TSHZ2: variants seen among roughly 807,000 people sequenced by gnomAD.
TSHZ2 encodes the protein teashirt homolog 2.
A neutral mutation model predicts 74.4 loss-of-function variants in TSHZ2; 21 were observed. That is an observed-to-expected ratio of 0.28 (90% confidence interval 0.20 to 0.41). The LOEUF is 0.41. Ranked by LOEUF, TSHZ2 falls within the 10% of genes least tolerant of loss-of-function variation. The probability of loss-of-function intolerance (pLI) is 1.00; values close to 1 mark genes in which losing one functional copy is unlikely to be tolerated. For synonymous variants in TSHZ2, 540 were observed against 515.3 expected (o/e 1.05, Z -0.65); for missense variants, 1,244 against 1,293.5 (o/e 0.96, Z 0.59).
At chr20:53,438,961 TA>T (rs1239254317) in intron 2 of TSHZ2, among the ~76,000 whole-genome samples, 3 of 150,246 alleles carry the variant, frequency 2.0e-5, no homozygotes, top group Non-Finnish European at 4.4e-5. Flanking sequence ...ACTCCATCTC[TA>T]AAAAAAAAGA....
chr20:52,981,723 CAA>C (rs893631029), intron 1 of TSHZ2, among the ~76,000 whole-genome samples: 5 of 152,076 alleles, frequency 3.3e-5, no homozygotes, highest in Admixed American at 6.6e-5. Flanking sequence ...AGCACCCGCT[CAA>C]AAAAGAGTTT....
intron 2 of TSHZ2, chr20:53,453,230 T>C (rs1391519863): frequency 1.3e-5 from 2 of 152,246 alleles, no homozygotes; most frequent in Non-Finnish European, 2.9e-5. Flanking sequence ...TTCTAGACTT[T>C]GAATGCCTCT....
chr20:53,240,035 A>C (rs1388240974), intron 1 of TSHZ2, among the ~76,000 whole-genome samples: 1 of 152,188 alleles, frequency 6.6e-6, no homozygotes, highest in Non-Finnish European at 1.5e-5. Flanking sequence ...CTTCAGGTAG[A>C]GTTTGATCAA....
intron 2 of TSHZ2, among the ~76,000 whole-genome samples, chr20:53,276,211 A>T (rs1990943288): frequency 1.3e-5 from 2 of 151,490 alleles, no homozygotes; most frequent in Admixed American, 6.6e-5. Flanking sequence ...CCAGGGTCTA[A>T]AGCTAGGATT....
intron 1 of TSHZ2, among the ~76,000 whole-genome samples, chr20:53,176,765 C>T (rs926660404): frequency 1.8e-4 from 27 of 151,260 alleles, no homozygotes; most frequent in African/African-American, 5.4e-4. Context: ...CGGCTCACTG[C>T]AACCTCCGCC....
At chr20:53,026,997 TA>T in intron 1 of TSHZ2, among the ~76,000 whole-genome samples, 1 of 152,160 alleles carries the variant, frequency 6.6e-6, no homozygotes, top group Admixed American at 6.5e-5. Flanking sequence ...TAAACATAAA[TA>T]CATAAATAAA....
intron 1 of TSHZ2, among the ~76,000 whole-genome samples, chr20:53,189,086 C>A (rs779589991): frequency 6.6e-6 from 1 of 152,128 alleles, no homozygotes; most frequent in Non-Finnish European, 1.5e-5. Flanking sequence ...ATTTATTGTA[C>A]ATGTTTGAAA....
chr20:53,136,530 T>C (rs535952254), intron 1 of TSHZ2, among the ~76,000 whole-genome samples: 5 of 152,148 alleles, frequency 3.3e-5, no homozygotes, highest in Non-Finnish European at 7.4e-5. Context: ...TTACCTCTCT[T>C]AAAGCCCACT....
intron 1 of TSHZ2, among the ~76,000 whole-genome samples, chr20:53,007,884 T>C (rs1982704418): frequency 6.6e-6 from 1 of 152,056 alleles, no homozygotes; most frequent in Non-Finnish European, 1.5e-5. Context: ...AAAATAATAA[T>C]ACAACACAGC....
rs552607158 is a variant in TSHZ2 at position 53,434,211 on chromosome 20, C to T, written c.*9-52933C>T. Among the ~76,000 whole-genome samples the T allele has an allele frequency of 2.2e-4, 34 of 152,330 alleles. No individual in the cohort carries two copies. In the South Asian group the frequency reaches 3.1e-3, roughly 14 times the overall value. ...GTAATCATAATCATCATTACTGCTACTACCACCACCACAAGAATAACCTGT... is the reference window on the plus strand; with the variant it reads ...GTAATCATAATCATCATTACTGCTATTACCACCACCACAAGAATAACCTGT... On this transcript the variant is annotated intron_variant, in intron 2 of 2. Coordinates refer to ENST00000371497, the MANE Select transcript of TSHZ2 (RefSeq NM_173485.6).
chr20:53,474,061 G>C (rs1366074950), intron 2 of TSHZ2, among the ~76,000 whole-genome samples: 1 of 150,520 alleles, frequency 6.6e-6, no homozygotes, highest in Admixed American at 6.6e-5. Context: ...GGAGAGAATG[G>C]AACCAAGTTG....
chr20:53,199,626 A>G (rs1334687708), intron 1 of TSHZ2, among the ~76,000 whole-genome samples: 1 of 152,198 alleles, frequency 6.6e-6, no homozygotes, highest in Non-Finnish European at 1.5e-5. Context: ...CTTATCTCTG[A>G]CATCTAGGGG....
At chr20:53,199,328 G>T (rs115952506) in intron 1 of TSHZ2, among the ~76,000 whole-genome samples, 371 of 152,168 alleles carry the variant, frequency 2.4e-3, no homozygotes, top group African/African-American at 8.6e-3. Flanking sequence ...CAGAAAATCA[G>T]CCAGGCGTGG....
intron 2 of TSHZ2, among the ~76,000 whole-genome samples, chr20:53,452,615 A>AT (rs1491295461): frequency 7.0e-6 from 1 of 142,448 alleles, no homozygotes; most frequent in Non-Finnish European, 1.5e-5. Flanking sequence ...AAAAAAAAAA[A>AT]GGAACTAGAA....
intron 1 of TSHZ2, among the ~76,000 whole-genome samples, chr20:53,067,058 A>G (rs1385088865): frequency 6.6e-6 from 1 of 152,232 alleles, no homozygotes; most frequent in Non-Finnish European, 1.5e-5. Context: ...GAGCGTGCAT[A>G]GTAGAGCGTG....
intron 1 of TSHZ2, among the ~76,000 whole-genome samples, chr20:53,241,868 G>A (rs1568830192): frequency 6.6e-6 from 1 of 152,148 alleles, no homozygotes; most frequent in Admixed American, 6.5e-5. Context: ...AACCCAGGTG[G>A]GCTTGCTGTA....
At chr20:53,414,629 GC>G (rs1983171986) in intron 2 of TSHZ2, among the ~76,000 whole-genome samples, 1 of 152,080 alleles carries the variant, frequency 6.6e-6, no homozygotes, top group Admixed American at 6.6e-5. Flanking sequence ...CTGCACTTCA[GC>G]CTGGGCAATA....
Position 53,254,901 on chromosome 20 carries a change from C to T in TSHZ2, c.1443C>T (p.Ser481=), listed in dbSNP as rs772519772. 7.8e-5 allele frequency: 126 copies of T among 1,613,906 alleles called. No individual in the cohort carries two copies. Among genetic ancestry groups the T allele is most frequent in the Non-Finnish European group, 1.0e-4 (120 of 1,180,014 alleles). ...ETSKDEKVVK[S]EDYEDPLQKP... ...GCAAGGATGAGAAAGTCGTGAAAAG[C>T]GAGGACTATGAAGATCCTCTACAAA... The change falls in exon 2 of 3, where the codon AGC becomes AGT. Residue 481 remains serine (S), a synonymous_variant. Coordinates refer to ENST00000371497, the MANE Select transcript of TSHZ2 (RefSeq NM_173485.6).
intron 2 of TSHZ2, among the ~76,000 whole-genome samples, chr20:53,472,394 T>G (rs540367640): frequency 6.6e-6 from 1 of 152,194 alleles, no homozygotes; most frequent in African/African-American, 2.4e-5. Context: ...GACCGAACTT[T>G]CTGGCTGAAA....
Sources: allele counts gnomAD v4.1 joint callset (sites outside exome capture counted in the v4.1 genomes callset), GRCh38; gene constraint gnomAD v4.1.1; transcripts MANE v1.5; gene names NCBI Gene and HGNC (gene_info 2026-07-23, HGNC 2026-07-21).